The following DENND1A variants were observed in gnomAD, a reference collection of about 807,000 sequenced individuals.
The protein encoded by DENND1A is DENN domain-containing protein 1A.
DENND1A carries 51 observed loss-of-function variants against 113.7 expected under a neutral mutation model. The observed-to-expected ratio is 0.45, with a 90% CI of 0.36 to 0.57. The LOEUF (loss-of-function observed/expected upper bound fraction) is 0.57, where lower values mean the gene tolerates loss of function less well. DENND1A is among the 20% of genes least tolerant of loss of function. The pLI, the probability that DENND1A is intolerant of heterozygous loss-of-function variation, is 0.00. For missense variants in DENND1A, 1,258 were observed against 1,395.9 expected, an observed-to-expected ratio of 0.90 and a Z score of 1.57; for synonymous variants, 565 against 570.8, an observed-to-expected ratio of 0.99 and a Z score of 0.14.
chr9:123,497,670 T>C (rs1481664808), intron 13 of DENND1A, among the ~76,000 whole-genome samples: 1 of 152,130 alleles, frequency 6.6e-6, no homozygotes, highest in African/African-American at 2.4e-5. Context: ...TCAACACTCC[T>C]ATCAGTAGCA....
chr9:123,410,855 A>G (rs940520898), intron 20 of DENND1A, among the ~76,000 whole-genome samples: 2 of 152,160 alleles, frequency 1.3e-5, no homozygotes, highest in African/African-American at 4.8e-5. Flanking sequence ...TTCCCTTGGT[A>G]AACAGCCCCC....
intron 8 of DENND1A, among the ~76,000 whole-genome samples, chr9:123,652,443 C>A (rs1208481270): frequency 2.0e-5 from 3 of 152,152 alleles, no homozygotes; most frequent in Non-Finnish European, 4.4e-5. Context: ...AATGAGGAAA[C>A]CAAGACTCAA....
At chr9:123,802,457 C>T (rs1834833290) in intron 2 of DENND1A, among the ~76,000 whole-genome samples, 1 of 68 alleles carries the variant, frequency 0.015, no homozygotes, top group South Asian at 0.25. Flanking sequence ...TCATCCTTGA[C>T]TCTTGGGGAT....
intron 12 of DENND1A, among the ~76,000 whole-genome samples, chr9:123,570,486 C>T (rs986172725): frequency 6.6e-6 from 1 of 152,168 alleles, no homozygotes; most frequent in South Asian, 2.1e-4. Flanking sequence ...CTCTGTAATA[C>T]ACCTTTGTTT....
intron 12 of DENND1A, among the ~76,000 whole-genome samples, chr9:123,566,398 C>A (rs1194029580): frequency 6.6e-6 from 1 of 152,150 alleles, no homozygotes; most frequent in African/African-American, 2.4e-5. Flanking sequence ...GAGTTCCATG[C>A]TGGAGCTGGC....
chr9:123,706,756 GCGAGA>G (rs1251841827), intron 5 of DENND1A, among the ~76,000 whole-genome samples: 1 of 117,000 alleles, frequency 8.5e-6, no homozygotes, highest in Non-Finnish European at 1.6e-5. Context: ...GGGTGACAGA[GCGAGA>G]CTCCGTCTCA....
intron 13 of DENND1A, among the ~76,000 whole-genome samples, chr9:123,458,989 A>G (rs2048342719): frequency 1.3e-5 from 2 of 152,084 alleles, no homozygotes; most frequent in South Asian, 4.2e-4. Flanking sequence ...AAACAAAAAA[A>G]CAAAACAAAA....
At chr9:123,845,227 C>T (rs1305859465) in intron 2 of DENND1A, among the ~76,000 whole-genome samples, 2 of 146,220 alleles carry the variant, frequency 1.4e-5, no homozygotes, top group Non-Finnish European at 3.0e-5. Flanking sequence ...CTCCAAAAAA[C>T]AAAAAAAAAA....
intron 2 of DENND1A, among the ~76,000 whole-genome samples, chr9:123,802,881 T>C (rs1229307985): frequency 6.6e-6 from 1 of 152,136 alleles, no homozygotes; most frequent in Non-Finnish European, 1.5e-5. Context: ...TTTGTACTTT[T>C]AGTAGAGTCG....
intron 8 of DENND1A, among the ~76,000 whole-genome samples, chr9:123,665,043 G>T (rs917258999): frequency 6.6e-6 from 1 of 152,062 alleles, no homozygotes; most frequent in Non-Finnish European, 1.5e-5. Flanking sequence ...GCTCATGGTA[G>T]CTTCCTCTGT....
intron 21 of DENND1A, among the ~76,000 whole-genome samples, chr9:123,388,769 C>T (rs773952830): frequency 5.3e-5 from 8 of 152,182 alleles, no homozygotes; most frequent in Non-Finnish European, 8.8e-5. Flanking sequence ...GCCATGTGCT[C>T]AGCAGGGGCG....
chr9:123,801,155 G>A lies in DENND1A; in HGVS notation c.89-8525C>T, dbSNP rs193190940. On this transcript the variant is annotated intron_variant, in intron 2 of 23. Transcript: ENST00000394215. ...TATGTCCTTTGAGACTTTTGTTGTT[G>A]TAGTAAAATATACATACAATTTACT... Among the ~76,000 whole-genome samples the A allele has an allele frequency of 2.4e-4, 37 of 152,250 alleles. No individual in the cohort carries two copies. The East Asian group carries it at 6.2e-3, about 25-fold the overall frequency.
At chr9:123,696,044 A>G (rs1412831561) in intron 5 of DENND1A, among the ~76,000 whole-genome samples, 1 of 152,040 alleles carries the variant, frequency 6.6e-6, no homozygotes, top group Non-Finnish European at 1.5e-5. Context: ...GGAGTATAAA[A>G]TCAGGAAATA....
intron 21 of DENND1A, chr9:123,401,230 G>C (rs2043437051): frequency 6.5e-6 from 1 of 154,034 alleles, no homozygotes; most frequent in Non-Finnish European, 1.4e-5. Flanking sequence ...TTTTCCGCTG[G>C]ATGCTTCCTG....
At chr9:123,674,326 T>C (rs2063914034) in intron 6 of DENND1A, among the ~76,000 whole-genome samples, 2 of 140,420 alleles carry the variant, frequency 1.4e-5, no homozygotes, top group African/African-American at 2.7e-5. Flanking sequence ...TCTCTGTCTC[T>C]GTCTCTGTCT....
chr9:123,434,149 C>T (rs568357076), intron 19 of DENND1A, among the ~76,000 whole-genome samples: 1 of 152,342 alleles, frequency 6.6e-6, no homozygotes, highest in African/African-American at 2.4e-5. Context: ...GCCTCAGCCT[C>T]CTGAGAAGCT....
chr9:123,692,602 T>C (rs1475955866), intron 5 of DENND1A, among the ~76,000 whole-genome samples: 1 of 152,258 alleles, frequency 6.6e-6, no homozygotes, highest in East Asian at 1.9e-4. Context: ...ACAGCGTATA[T>C]TATTCTTAGT....
chr9:123,471,347 A>G (rs919550217), intron 13 of DENND1A, among the ~76,000 whole-genome samples: 3 of 152,174 alleles, frequency 2.0e-5, no homozygotes, highest in Non-Finnish European at 2.9e-5. Flanking sequence ...GGGATTGACA[A>G]TCGAGGCATG....
chr9:123,420,844 T>C (rs1389516758), intron 19 of DENND1A, among the ~76,000 whole-genome samples: 1 of 16,596 alleles, frequency 6.0e-5, no homozygotes, highest in East Asian at 1.5e-3. Context: ...CCTAGCCGCT[T>C]GGGGGACAGA....
Sources: allele counts gnomAD v4.1 joint callset (sites outside exome capture counted in the v4.1 genomes callset), GRCh38; gene constraint gnomAD v4.1.1; transcripts MANE v1.5; gene names NCBI Gene and HGNC (gene_info 2026-07-23, HGNC 2026-07-21).